Variants in TRPM3 observed in about 807,000 individuals in gnomAD.
TRPM3 encodes the protein long transient receptor potential channel 3.
TRPM3 carries 77 observed loss-of-function variants against 181.2 expected under a neutral mutation model. The ratio of observed to expected loss-of-function variants is 0.42; its 90% CI spans 0.35 to 0.51. The LOEUF (loss-of-function observed/expected upper bound fraction) is 0.51. TRPM3 is among the 20% of genes least tolerant of loss of function. The pLI is 0.01. For missense variants in TRPM3, 1,759 were observed against 2,196.7 expected, an observed-to-expected ratio of 0.80 and a Z score of 3.98; for synonymous variants, 745 against 796.4, an observed-to-expected ratio of 0.94 and a Z score of 1.09.
chr9:71,070,993 A>G (rs1178546937), intron 1 of TRPM3, among the ~76,000 whole-genome samples: 2 of 152,210 alleles, frequency 1.3e-5, no homozygotes, highest in East Asian at 1.9e-4. Context: ...AATGAGTCCA[A>G]TGGGACCTCA....
At chr9:70,869,212 A>G (rs2095731635) in intron 1 of TRPM3, among the ~76,000 whole-genome samples, 1 of 151,940 alleles carries the variant, frequency 6.6e-6, no homozygotes, top group Non-Finnish European at 1.5e-5. Context: ...TAGCCTCACT[A>G]AGAATCCCAT....
chr9:71,233,438 T>G (rs2081187427), intron 1 of TRPM3, among the ~76,000 whole-genome samples: 1 of 152,222 alleles, frequency 6.6e-6, no homozygotes, highest in African/African-American at 2.4e-5. Context: ...AATTGCTCAA[T>G]TCTTGGTATA....
chr9:70,783,362 C>T (rs1296201218), intron 7 of TRPM3, among the ~76,000 whole-genome samples: 1 of 152,126 alleles, frequency 6.6e-6, no homozygotes, highest in African/African-American at 2.4e-5. Flanking sequence ...TTTACCCCCT[C>T]AATCTCACTC....
chr9:70,629,099 G>C (rs1234803540), intron 12 of TRPM3, among the ~76,000 whole-genome samples: 1 of 150,952 alleles, frequency 6.6e-6, no homozygotes, highest in Non-Finnish European at 1.5e-5. Context: ...GACTTTTAGC[G>C]GTATATATTG....
In TRPM3 at chr9:71,121,537, G is replaced by C. The variant is rs142112351; in HGVS notation, c.-183C>G. The C allele has an allele frequency of 2.9e-6, 4 of 1,391,666 alleles. No homozygotes were observed. The East Asian group carries it at 7.9e-5, about 27-fold the overall frequency. The allele number at this position is 1,391,666 out of a possible 1,614,324, so 86.2% of individuals were successfully genotyped here. The stretch of plus-strand genomic sequence containing the variant: ...ATGGAGGCACACTGCCTGCTGCTTC[G>C]GGGAGGGGATGCACGATTTTGAAGA... On this transcript the variant is annotated 5_prime_UTR_variant, in exon 1 of 26. Transcript: ENST00000677713.
At chr9:71,265,696 A>G (rs1410622775) in intron 1 of TRPM3, among the ~76,000 whole-genome samples, 1 of 152,224 alleles carries the variant, frequency 6.6e-6, no homozygotes, top group Non-Finnish European at 1.5e-5. Context: ...AGCCTATTAT[A>G]AGTGTTGAGC....
At chr9:71,018,801 A>C (rs1460009278) in intron 1 of TRPM3, among the ~76,000 whole-genome samples, 2 of 151,898 alleles carry the variant, frequency 1.3e-5, no homozygotes, top group Non-Finnish European at 2.9e-5. Context: ...GATGAAGCCA[A>C]CAAACCTTGA....
At chr9:70,895,772 C>CA (rs1237852883) in intron 1 of TRPM3, among the ~76,000 whole-genome samples, 9 of 151,502 alleles carry the variant, frequency 5.9e-5, no homozygotes, top group Non-Finnish European at 7.4e-5. Flanking sequence ...TTATAACTTA[C>CA]AAAAAAAAGA....
intron 1 of TRPM3, among the ~76,000 whole-genome samples, chr9:71,195,930 G>A (rs1045601781): frequency 6.6e-6 from 1 of 151,898 alleles, no homozygotes; most frequent in African/African-American, 2.4e-5. Flanking sequence ...ACCCAAAGAG[G>A]GGAACAACAC....
chr9:70,998,182 T>C (rs13288975), intron 1 of TRPM3, among the ~76,000 whole-genome samples: 3 of 145,098 alleles, frequency 2.1e-5, no homozygotes, highest in African/African-American at 5.1e-5. Flanking sequence ...CACATATATA[T>C]ACATATATAC....
At chr9:71,141,220 G>A (rs549863029) in intron 1 of TRPM3, among the ~76,000 whole-genome samples, 1 of 152,236 alleles carries the variant, frequency 6.6e-6, no homozygotes, top group Non-Finnish European at 1.5e-5. Context: ...GTTGTACTAA[G>A]ACTGCGTAAC....
chr9:71,350,518 T>C (rs1461214915), intron 1 of TRPM3, among the ~76,000 whole-genome samples: 1 of 152,234 alleles, frequency 6.6e-6, no homozygotes, highest in African/African-American at 2.4e-5. Flanking sequence ...CTAAGGCTGT[T>C]CCTGTAGTCT....
intron 1 of TRPM3, among the ~76,000 whole-genome samples, chr9:70,962,123 CAA>C: frequency 6.6e-6 from 1 of 152,110 alleles, no homozygotes. Context: ...ATGTAACACA[CAA>C]AATGGACTGA....
At chr9:70,923,217 C>T (rs2096676117) in intron 1 of TRPM3, among the ~76,000 whole-genome samples, 1 of 152,096 alleles carries the variant, frequency 6.6e-6, no homozygotes, top group South Asian at 2.1e-4. Context: ...CTTAAAATAA[C>T]TGTGTGTTCA....
Position 70,578,207 on chromosome 9 carries a change from A to G in TRPM3, c.3223+12824T>C, listed in dbSNP as rs1588721004. ...CCTTTGCGCTTTATCACAAATGGTG[A>G]GCTGGATTGATTGAACTGAACTATT... On this transcript the variant is annotated intron_variant, in intron 22 of 25. Coordinates refer to ENST00000677713, the MANE Select transcript of TRPM3 (RefSeq NM_001366145.2). Among the ~76,000 whole-genome samples the G allele has an allele frequency of 4.7e-5, 7 of 150,486 alleles. 2 individuals are homozygous for G. The Admixed American group carries it at 4.7e-4, about 10-fold the overall frequency.
chr9:71,294,750 CAG>C (rs2086113235), intron 1 of TRPM3, among the ~76,000 whole-genome samples: 1 of 152,068 alleles, frequency 6.6e-6, no homozygotes, highest in Non-Finnish European at 1.5e-5. Context: ...AACAAGATGA[CAG>C]AGCATTAAAT....
At chr9:70,665,604 G>A (rs935556473) in intron 9 of TRPM3, among the ~76,000 whole-genome samples, 1 of 152,172 alleles carries the variant, frequency 6.6e-6, no homozygotes, top group African/African-American at 2.4e-5. Flanking sequence ...AACTTCATGA[G>A]TGTGTCTGTT....
intron 1 of TRPM3, among the ~76,000 whole-genome samples, chr9:71,006,007 G>C (rs1353223225): frequency 2.0e-5 from 3 of 152,102 alleles, no homozygotes; most frequent in African/African-American, 7.2e-5. Flanking sequence ...GATGTAACTT[G>C]AAACATCAAA....
intron 1 of TRPM3, among the ~76,000 whole-genome samples, chr9:71,221,986 C>G (rs1588022977): frequency 6.6e-6 from 1 of 152,244 alleles, no homozygotes; most frequent in Non-Finnish European, 1.5e-5. Context: ...TGGGTTCTTA[C>G]ATTTTTTTAT....
Sources: gnomAD v4.1 joint callset for allele counts (sites outside exome capture counted in the v4.1 genomes callset) on GRCh38, gnomAD v4.1.1 for gene constraint, MANE v1.5 for transcripts, NCBI Gene and HGNC (gene_info 2026-07-23, HGNC 2026-07-21) for gene names.